Variants in ZNF433 observed in about 807,000 individuals in gnomAD.
ZNF433 encodes zinc finger protein 433.
In ZNF433, 12 loss-of-function variants were observed where a neutral mutation model predicts 10.6. That is an observed-to-expected ratio of 1.13 (90% confidence interval 0.72 to 1.83). ZNF433 has a LOEUF of 1.83. Ranked by LOEUF, ZNF433 falls within the 40% of genes most tolerant of loss-of-function variation. ZNF433 has a pLI of 0.00. For missense variants in ZNF433, 737 were observed against 798.0 expected, an observed-to-expected ratio of 0.92 and a Z score of 0.92; for synonymous variants, 272 against 271.3, an observed-to-expected ratio of 1.00 and a Z score of -0.02.
At chr19:12,034,647 G>A (rs1376907241) in intron 1 of ZNF433, 1 of 321,206 alleles carries the variant, frequency 3.1e-6, no homozygotes, top group South Asian at 2.5e-5. Flanking sequence ...TTTGTTTTGG[G>A]TGGGATGAAA....
At chr19:12,018,061 T>C (rs1974299049) in intron 2 of ZNF433, 105 bp downstream of exon 2, 12 of 1,376,396 alleles carry the variant, frequency 8.7e-6, no homozygotes, top group African/African-American at 2.9e-5. Flanking sequence ...CCTGTCCACA[T>C]TGTAAATCAC....
intron 1 of ZNF433, among the ~76,000 whole-genome samples, chr19:12,034,075 T>C (rs903779579): frequency 1.1e-4 from 16 of 152,172 alleles, no homozygotes; most frequent in African/African-American, 3.9e-4. Context: ...CCTATAGTAC[T>C]CTAAGATCTT....
intron 1 of ZNF433, among the ~76,000 whole-genome samples, chr19:12,027,727 A>C (rs1396715871): frequency 6.6e-6 from 1 of 152,086 alleles, no homozygotes; most frequent in African/African-American, 2.4e-5. Context: ...CCGATTTGCC[A>C]CTCCACATTC....
chr19:12,034,502 A>G, intron 1 of ZNF433: 1 of 247,094 alleles, frequency 4.0e-6, no homozygotes, highest in Non-Finnish European at 8.2e-6. Flanking sequence ...CCTTCATGTT[A>G]AAACAGACAT....
At chr19:12,027,100 C>G (rs945064460) in intron 1 of ZNF433, 8 of 451,868 alleles carry the variant, frequency 1.8e-5, no homozygotes, top group Non-Finnish European at 1.8e-5. Flanking sequence ...TTAAAGCATC[C>G]CAGGCACACC....
At position 12,015,438 on chromosome 19, in the gene ZNF433, GCTTCT is replaced by G. The variant is rs779692759; in HGVS notation, c.1415_1419del (p.Glu472AlafsTer3). ...TTCCCATAACCCTTACATTCATACG[GCTTCT>G]CTTCTCTGTGCATCCTTTCATGTAT... is the stretch of plus-strand genomic sequence containing the variant. On this transcript the variant is annotated frameshift_variant, in exon 4 of 4. Coordinates refer to ENST00000550507, the MANE Select transcript of ZNF433 (RefSeq NM_001308348.2). LOFTEE classifies it low-confidence loss of function (END_TRUNC). The G allele has an allele frequency of 3.1e-6, 5 of 1,613,964 alleles. No individual in the cohort carries two copies. The highest frequency in any genetic ancestry group is 4.2e-6 in the Non-Finnish European group (5 of 1,179,952).
chr19:12,025,929 T>C (rs184383469), intron 1 of ZNF433: 1 of 152,660 alleles, frequency 6.6e-6, no homozygotes, highest in East Asian at 1.9e-4. Flanking sequence ...AATGAATCTG[T>C]CCCTGAAACA....
At position 12,014,852 on chromosome 19, in the gene ZNF433, G is replaced by A; in HGVS notation, c.2006C>T (p.Thr669Ile). 1 of 1,568,280 alleles carries A rather than the reference G, an allele frequency of 6.4e-7. No homozygotes were observed. Among genetic ancestry groups the A allele is most frequent in the Non-Finnish European group, 8.7e-7 (1 of 1,155,920 alleles). ...GCCTCCTAAAGCCTGGGGTTATGGG[G>A]TGTCTATGCAGTGAGCCCTTCCATG... ...QVHGRAHCID[T>I]P Residue 669 changes from threonine to isoleucine, a missense_variant, in exon 4 of 4, where the codon ACC becomes ATC. Physicochemically the swap from Thr to Ile is moderately conservative, Grantham distance 89. Coordinates refer to ENST00000550507, the MANE Select transcript of ZNF433 (RefSeq NM_001308348.2).
Position 12,017,198 on chromosome 19 carries a change from T to TTTTTG in ZNF433, c.192-537_192-533dup, listed in dbSNP as rs1245699759. On this transcript the variant is annotated intron_variant, in intron 3 of 3. Transcript: ENST00000550507. ...GCTTCTGAATACTGTTTTTTGGTTTTTTTTGTTTTGTTTTGTTTTTTTGAG... is the reference window on the plus strand; with the variant it reads ...GCTTCTGAATACTGTTTTTTGGTTTTTTTTGTTTTGTTTTGTTTTGTTTTTTTGAG... Among the ~76,000 whole-genome samples, 15 of 151,974 alleles carry TTTTTG rather than the reference T, an allele frequency of 9.9e-5. No homozygotes were observed. The South Asian group carries it at 3.1e-3, about 32-fold the overall frequency.
rs777939139 is a variant in ZNF433, at chr19:12,015,887, C to G, written c.971G>C (p.Arg324Thr). The G allele has an allele frequency of 1.2e-6, 2 of 1,613,614 alleles. No individual in the cohort carries two copies. The highest frequency in any genetic ancestry group is 3.3e-5 in the Admixed American group (2 of 59,970). The change falls in exon 4 of 4, where the codon AGA becomes ACA. Residue 324 changes from arginine to threonine, a missense_variant. Physicochemically the swap from Arg to Thr is moderately conservative, Grantham distance 71 (BLOSUM62 -1). Transcript: ENST00000550507. The part of the protein sequence containing the change: ...KAFKCPSSVR[R>T]HERTHSRKKP... ...TTTCCTAGAGTGGGTTCTTTCATGTCTGCGAACAGAACTGGGACACTTGAA... is the reference window on the plus strand; with the variant it reads ...TTTCCTAGAGTGGGTTCTTTCATGTGTGCGAACAGAACTGGGACACTTGAA...
intron 1 of ZNF433, 189 bp from the exon 2 acceptor site, chr19:12,018,481 T>G (rs567107851): frequency 1.8e-6 from 1 of 556,828 alleles, no homozygotes; most frequent in East Asian, 3.5e-5. Context: ...AACTGAACCA[T>G]GTGGTAAAGC....
At position 12,018,255 on chromosome 19, in the gene ZNF433, G is replaced by A. The variant is rs772151309; in HGVS notation, c.41C>T (p.Thr14Ile). 10 of 1,613,486 alleles carry A rather than the reference G, an allele frequency of 6.2e-6. No homozygotes were observed. In the East Asian group the frequency reaches 2.2e-4, roughly 36 times the overall value. The change falls in exon 2 of 4, where the codon ACC becomes ATC. Residue 14 changes from threonine to isoleucine, a missense_variant. Transcript: ENST00000550507. ...VAFEDVAVTF[T>I]QEEWALLDPS... ...ATCCAGCAAAGCCCACTCCTCTTGG[G>A]TGAAGGTCACAGCCACATCCTCAAA...
intron 1 of ZNF433, among the ~76,000 whole-genome samples, chr19:12,033,350 A>G (rs762393313): frequency 1.3e-5 from 2 of 151,312 alleles, no homozygotes; most frequent in African/African-American, 4.9e-5. Flanking sequence ...ACCCACCTCA[A>G]CCTCCCAAAG....
In ZNF433 at chr19:12,015,186, G is replaced by T. The variant is rs781542785; in HGVS notation, c.1672C>A (p.Pro558Thr). The T allele has an allele frequency of 1.2e-6, 2 of 1,613,840 alleles. No individual in the cohort carries two copies. Among genetic ancestry groups the T allele is most frequent in the Non-Finnish European group, 8.5e-7 (1 of 1,179,904 alleles). The part of the protein sequence containing the change: ...IHGRTHTGEK[P>T]YECKQCGKAF... ...TTCCCACACTGCTTACATTCATAAG[G>T]TTTCTCTCCAGTGTGAGTCCTTCCA... Residue 558 changes from proline to threonine, a missense_variant, in exon 4 of 4, where the codon CCT (proline) becomes ACT (threonine). Coordinates refer to ENST00000550507, the MANE Select transcript of ZNF433 (RefSeq NM_001308348.2).
At chr19:12,019,950 A>G (rs1974402958) in intron 1 of ZNF433, among the ~76,000 whole-genome samples, 1 of 152,208 alleles carries the variant, frequency 6.6e-6, no homozygotes, top group African/African-American at 2.4e-5. Flanking sequence ...CACAGTACCA[A>G]GTAAAAAAAC....
intron 1 of ZNF433, chr19:12,026,784 G>A (rs1485878399): frequency 2.2e-6 from 1 of 454,126 alleles, no homozygotes; most frequent in South Asian, 1.6e-5. Context: ...TCCCCTAAGG[G>A]GATGTTTAGC....
Position 12,015,284 on chromosome 19 carries a change from T to C in ZNF433, c.1574A>G (p.His525Arg). Residue 525 changes from histidine (H) to arginine (R), a missense_variant, in exon 4 of 4, where the codon CAC becomes CGC. His to Arg is a conservative substitution (Grantham distance 29, BLOSUM62 0). Transcript: ENST00000550507. ...GCATTCATAGGGTTTCTCTCCAGTG[T>C]GAGTCCTTCCATGATATCGAAAGGA... ...SSSFRYHGRT[H>R]TGEKPYECKQ... 6.2e-7 allele frequency: 1 copy of C among 1,614,162 alleles called. No individual in the cohort carries two copies. Among genetic ancestry groups the C allele is most frequent in the South Asian group, 1.1e-5 (1 of 91,080 alleles).
chr19:12,022,733 C>T (rs1974556523), intron 1 of ZNF433, among the ~76,000 whole-genome samples: 1 of 152,172 alleles, frequency 6.6e-6, no homozygotes, highest in Non-Finnish European at 1.5e-5. Flanking sequence ...AGGAAAGTAA[C>T]AGAAGAGATG....
intron 1 of ZNF433, chr19:12,030,081 C>CAAAAAAAAAAAAAAAAAAAAAAAAAAA: frequency 5.5e-6 from 1 of 181,922 alleles, no homozygotes. Context: ...GACTCCATCT[C>CAAAAAAAAAAAAAAAAAAAAAAAAAAA]AAAAAAAAAA....
Sources: gnomAD v4.1 joint callset for allele counts (sites outside exome capture counted in the v4.1 genomes callset) on GRCh38, gnomAD v4.1.1 for gene constraint, MANE v1.5 for transcripts, NCBI Gene and HGNC (gene_info 2026-07-23, HGNC 2026-07-21) for gene names.